The following NEDD4 variants were observed in gnomAD, a reference collection of about 807,000 sequenced individuals.
The protein encoded by NEDD4 is NEDD4 E3 ubiquitin protein ligase.
In NEDD4, 99 loss-of-function variants were observed where a neutral mutation model predicts 144.9. The ratio of observed to expected loss-of-function variants is 0.68; its 90% CI spans 0.58 to 0.81. The LOEUF is 0.81. Among genes scored for constraint, NEDD4 ranks in the 30% least tolerant of loss-of-function variants. The probability of loss-of-function intolerance (pLI) is 0.00; values close to 1 mark genes in which losing one functional copy is unlikely to be tolerated. For synonymous variants in NEDD4, 318 were observed against 350.6 expected (o/e 0.91, Z 1.04); for missense variants, 985 against 1,065.9 (o/e 0.92, Z 1.06).
Position 55,911,623 on chromosome 15 carries a change from G to C in NEDD4, c.291+13023C>G, listed in dbSNP as rs187046644. On this transcript the variant is annotated intron_variant, in intron 5 of 28. Coordinates refer to ENST00000435532, the MANE Select transcript of NEDD4 (RefSeq NM_006154.4). The stretch of plus-strand genomic sequence containing the variant: ...CGACTCACTGCAAGCTCTGCCTCCC[G>C]GGTCCACGCCATTCTCCTGCCTCAG... 5.9e-5 allele frequency among the ~76,000 whole-genome samples: 9 copies of C among 151,562 alleles called. No individual in the cohort carries two copies. In the East Asian group the frequency reaches 1.6e-3, roughly 26 times the overall value.
chr15:55,953,765 G>C (rs1016496002), intron 2 of NEDD4, among the ~76,000 whole-genome samples: 4 of 152,148 alleles, frequency 2.6e-5, no homozygotes, highest in Non-Finnish European at 5.9e-5. Context: ...TCTGTCGCCA[G>C]GCTGGAGTGC....
Position 55,830,498 on chromosome 15 carries a change from C to G in NEDD4, c.2600+16G>C, listed in dbSNP as rs764027205. 1 of 1,611,458 alleles carries G rather than the reference C, an allele frequency of 6.2e-7. No individual in the cohort carries two copies. Among genetic ancestry groups the G allele is most frequent in the Non-Finnish European group, 8.5e-7 (1 of 1,177,578 alleles). Reference sequence around the variant, plus strand: ...CTCTGAGGCTTTGTTCTATCAAGGTCCAAACAACTGCTTACCAGGTATGAG... The same window carrying G: ...CTCTGAGGCTTTGTTCTATCAAGGTGCAAACAACTGCTTACCAGGTATGAG... On this transcript the variant is annotated intron_variant, in intron 28 of 28. Transcript: ENST00000435532.
intron 5 of NEDD4, among the ~76,000 whole-genome samples, chr15:55,892,970 G>A (rs1308707867): frequency 6.6e-6 from 1 of 152,006 alleles, no homozygotes; most frequent in African/African-American, 2.4e-5. Context: ...CACAAACAAT[G>A]CCTCAACCAA....
intron 1 of NEDD4, among the ~76,000 whole-genome samples, chr15:55,974,598 T>A (rs1053753579): frequency 1.3e-5 from 2 of 152,030 alleles, no homozygotes; most frequent in African/African-American, 4.8e-5. Flanking sequence ...ATATCAGGGA[T>A]GAAAGGATGG....
intron 4 of NEDD4, among the ~76,000 whole-genome samples, chr15:55,939,134 A>AAAG (rs1175637752): frequency 2.6e-5 from 4 of 151,904 alleles, no homozygotes; most frequent in African/African-American, 9.7e-5. Context: ...AAACAAAAAA[A>AAAG]CCCACCACCA....
chr15:55,992,818 G>C (rs1266804013), intron 1 of NEDD4, among the ~76,000 whole-genome samples: 2 of 152,134 alleles, frequency 1.3e-5, no homozygotes, highest in Non-Finnish European at 2.9e-5. Context: ...GTTTTCAAAG[G>C]GAACAGATGT....
At chr15:55,947,366 A>G (rs562643841) in intron 4 of NEDD4, among the ~76,000 whole-genome samples, 220 of 152,358 alleles carry the variant, frequency 1.4e-3, no homozygotes, top group Non-Finnish European at 2.6e-3. Flanking sequence ...ACAAACTACC[A>G]TCAGAGAATA....
intron 5 of NEDD4, among the ~76,000 whole-genome samples, chr15:55,875,471 C>A (rs542820447): frequency 3.9e-5 from 6 of 152,036 alleles, no homozygotes; most frequent in African/African-American, 1.4e-4. Context: ...CCATGCACTA[C>A]CATGCCTGGC....
At chr15:55,980,670 G>A (rs2037782984) in intron 1 of NEDD4, among the ~76,000 whole-genome samples, 1 of 152,216 alleles carries the variant, frequency 6.6e-6, no homozygotes. Flanking sequence ...GCCCACAGAT[G>A]ATGGCTACAC....
intron 5 of NEDD4, among the ~76,000 whole-genome samples, chr15:55,903,756 C>T (rs2035988086): frequency 1.4e-5 from 2 of 144,576 alleles, no homozygotes; most frequent in Non-Finnish European, 3.0e-5. Context: ...ACCCGGGAGG[C>T]GGAGGTTGCA....
intron 4 of NEDD4, among the ~76,000 whole-genome samples, chr15:55,947,788 G>A (rs1246223105): frequency 6.6e-6 from 1 of 152,156 alleles, no homozygotes; most frequent in African/African-American, 2.4e-5. Flanking sequence ...ATTAGGTATT[G>A]ATGGGACGTA....
intron 1 of NEDD4, among the ~76,000 whole-genome samples, chr15:55,976,784 A>G (rs1214614328): frequency 8.0e-6 from 1 of 124,954 alleles, no homozygotes; most frequent in Non-Finnish European, 1.7e-5. Context: ...GCCCGCCACC[A>G]CACCTGGCTA....
At chr15:55,882,911 G>T (rs2035246671) in intron 5 of NEDD4, among the ~76,000 whole-genome samples, 1 of 152,214 alleles carries the variant, frequency 6.6e-6, no homozygotes, top group South Asian at 2.1e-4. Context: ...TATACATCAT[G>T]GGCCTTAGGT....
intron 18 of NEDD4, among the ~76,000 whole-genome samples, chr15:55,846,492 A>G (rs1330349848): frequency 6.6e-6 from 1 of 152,214 alleles, no homozygotes; most frequent in Non-Finnish European, 1.5e-5. Context: ...AAGTCACAAG[A>G]GCACAGTTCC....
chr15:55,985,047 T>A (rs890434101), intron 1 of NEDD4, among the ~76,000 whole-genome samples: 1 of 152,208 alleles, frequency 6.6e-6, no homozygotes, highest in Admixed American at 6.5e-5. Context: ...CTGCTCTGAC[T>A]GATGTTTAAT....
At chr15:55,941,853 G>A (rs972576325) in intron 4 of NEDD4, among the ~76,000 whole-genome samples, 38 of 152,286 alleles carry the variant, frequency 2.5e-4, no homozygotes, top group Non-Finnish European at 5.0e-4. Flanking sequence ...GATTATAGGC[G>A]TGAGCCATTG....
At position 55,916,132 on chromosome 15, in the gene NEDD4, C is replaced by G. The variant is rs762226166; in HGVS notation, c.291+8514G>C. On this transcript the variant is annotated intron_variant, in intron 5 of 28. Transcript: ENST00000435532. ...TCCAAGTCATCCTGGACAAAAGGAT[C>G]TGTACTTGTACTTCTTGAAAAAATT... 6.2e-7 allele frequency: 1 copy of G among 1,613,818 alleles called. No homozygotes were observed. Among genetic ancestry groups the G allele is most frequent in the African/African-American group, 1.3e-5 (1 of 74,924 alleles).
chr15:55,848,290 AG>A, intron 17 of NEDD4, 81 bp downstream of exon 17: 1 of 1,313,004 alleles, frequency 7.6e-7, no homozygotes, highest in Non-Finnish European at 1.1e-6. Context: ...CAATGCCTGT[AG>A]GGTTATGCCC....
At chr15:55,837,515 T>C (rs1470289975) in intron 24 of NEDD4, among the ~76,000 whole-genome samples, 2 of 151,918 alleles carry the variant, frequency 1.3e-5, no homozygotes, top group Non-Finnish European at 2.9e-5. Flanking sequence ...CAATATGTTA[T>C]ACTATCCCTA....
Sources: allele counts gnomAD v4.1 joint callset (sites outside exome capture counted in the v4.1 genomes callset), GRCh38; gene constraint gnomAD v4.1.1; transcripts MANE v1.5; gene names NCBI Gene and HGNC (gene_info 2026-07-23, HGNC 2026-07-21).